The following WDR7 variants were observed in gnomAD, a reference collection of about 807,000 sequenced individuals.
WDR7 encodes the protein WD repeat domain 7.
WDR7 carries 46 observed loss-of-function variants against 169.4 expected under a neutral mutation model. The observed-to-expected ratio is 0.27, with a 90% CI of 0.21 to 0.35. The LOEUF (loss-of-function observed/expected upper bound fraction) is 0.35. Ranked by LOEUF, WDR7 falls within the 10% of genes least tolerant of loss-of-function variation. The pLI, the probability that WDR7 is intolerant of heterozygous loss-of-function variation, is 1.00. For missense variants in WDR7, 1,534 were observed against 1,859.3 expected (o/e 0.83, Z 3.22); for synonymous variants, 612 against 666.8 (o/e 0.92, Z 1.27).
chr18:56,800,504 G>A (rs1310742235), intron 19 of WDR7, among the ~76,000 whole-genome samples: 1 of 151,672 alleles, frequency 6.6e-6, no homozygotes, highest in Non-Finnish European at 1.5e-5. Flanking sequence ...GACATAATTT[G>A]TGTTCCATTG....
intron 26 of WDR7, among the ~76,000 whole-genome samples, chr18:56,977,060 CT>C (rs2047577455): frequency 6.6e-6 from 1 of 152,204 alleles, no homozygotes; most frequent in African/African-American, 2.4e-5. Context: ...TTTAAAGCAG[CT>C]TCTTTGCCTG....
intron 12 of WDR7, among the ~76,000 whole-genome samples, chr18:56,705,668 G>A (rs1225496708): frequency 1.3e-5 from 2 of 152,134 alleles, no homozygotes. Context: ...GATTTAGGCG[G>A]ATCCTGGCAG....
intron 26 of WDR7, among the ~76,000 whole-genome samples, chr18:57,004,020 TATGTGTGTGTGCGCGCACAC>T (rs1317816433): frequency 6.6e-6 from 1 of 151,946 alleles, no homozygotes; most frequent in African/African-American, 2.4e-5. Flanking sequence ...CACATGTGTG[TATGTGTGTGTGCGCGCACAC>T]ACACACCCTA....
chr18:56,776,889 C>A lies in WDR7; in HGVS notation c.2947+9C>A, dbSNP rs1398983481. Reference sequence around the variant, plus strand: ...TTTCTTAGTAAATGAAGGTATCTCTCTCAACTTCTAACAACTTTCTCTCAA... The same window carrying A: ...TTTCTTAGTAAATGAAGGTATCTCTATCAACTTCTAACAACTTTCTCTCAA... On this transcript the variant is annotated intron_variant, in intron 17 of 27. Transcript: ENST00000254442. 6.2e-7 allele frequency: 1 copy of A among 1,606,960 alleles called. No individual in the cohort carries two copies. The highest frequency in any genetic ancestry group is 1.1e-5 in the South Asian group (1 of 90,924).
At chr18:56,716,559 A>G (rs1292113715) in intron 12 of WDR7, among the ~76,000 whole-genome samples, 1 of 152,228 alleles carries the variant, frequency 6.6e-6, no homozygotes, top group African/African-American at 2.4e-5. Context: ...TAAGATAAAA[A>G]TAAAGCTAAA....
At chr18:56,716,030 AGTGTGTGT>A (rs10572330) in intron 12 of WDR7, among the ~76,000 whole-genome samples, 23 of 146,690 alleles carry the variant, frequency 1.6e-4, no homozygotes, top group African/African-American at 4.8e-4. Context: ...CATACGTAGC[AGTGTGTGT>A]GTGTGTGTGT....
chr18:56,686,817 C>G (rs763623245), intron 6 of WDR7, 38 bp from the exon 7 acceptor site: 1 of 1,461,762 alleles, frequency 6.8e-7, no homozygotes, highest in Non-Finnish European at 9.5e-7. Flanking sequence ...AATTGACAAT[C>G]ATGCTATTCC....
intron 26 of WDR7, among the ~76,000 whole-genome samples, chr18:56,992,933 C>T (rs1474689057): frequency 6.6e-6 from 1 of 152,192 alleles, no homozygotes; most frequent in East Asian, 1.9e-4. Flanking sequence ...GTAAACCATA[C>T]TGATGTTTTG....
chr18:56,879,144 GTGGAGT>G (rs1285706820), intron 20 of WDR7, among the ~76,000 whole-genome samples: 2 of 152,154 alleles, frequency 1.3e-5, no homozygotes, highest in East Asian at 3.8e-4. Context: ...ATACGTTGGA[GTGGAGT>G]TGCTGGGCCA....
At chr18:56,700,263 T>TTTTTTTTTTTTTTTTTTTC (rs2025797285) in intron 12 of WDR7, among the ~76,000 whole-genome samples, 1 of 130,800 alleles carries the variant, frequency 7.6e-6, no homozygotes, top group Non-Finnish European at 1.6e-5. Context: ...TTTTTTTTTT[T>TTTTTTTTTTTTTTTTTTTC]TTTTTTTTTT....
intron 21 of WDR7, among the ~76,000 whole-genome samples, chr18:56,892,248 A>T (rs963654569): frequency 1.3e-5 from 2 of 152,130 alleles, no homozygotes; most frequent in African/African-American, 4.8e-5. Context: ...TTAACTGTAG[A>T]GTGCTTGTAT....
At chr18:56,687,898 G>A (rs1763661133) in intron 7 of WDR7, among the ~76,000 whole-genome samples, 1 of 152,166 alleles carries the variant, frequency 6.6e-6, no homozygotes, top group Admixed American at 6.5e-5. Flanking sequence ...AAAGTGCTGG[G>A]ATTATAAGCA....
In WDR7 at chr18:56,686,014, G is replaced by A. The variant is rs755220978; in HGVS notation, c.579G>A (p.Ser193=). Residue 193 remains serine, a synonymous_variant, in exon 6 of 28, where the codon TCG becomes TCA. Transcript: ENST00000254442. ...TGILKVWIVT[S]EISDMQDTEP... The stretch of plus-strand genomic sequence containing the variant: ...TCCTGAAGGTCTGGATTGTTACCTC[G>A]GAAATAAGTGACATGCAGGTGAGAA... The A allele has an allele frequency of 1.6e-5, 26 of 1,594,834 alleles. No homozygotes were observed. Among genetic ancestry groups the A allele is most frequent in the Admixed American group, 3.7e-5 (2 of 54,534 alleles).
chr18:56,794,349 G>A (rs1169904620), intron 19 of WDR7, among the ~76,000 whole-genome samples: 5 of 96,754 alleles, frequency 5.2e-5, no homozygotes, highest in African/African-American at 1.9e-4. Context: ...TCACTCTGTC[G>A]CCCAGGCTGG....
chr18:56,917,207 A>T (rs1352703869), intron 21 of WDR7, among the ~76,000 whole-genome samples: 1 of 152,102 alleles, frequency 6.6e-6, no homozygotes, highest in Non-Finnish European at 1.5e-5. Context: ...AAAAAAAAAA[A>T]ATTCCGCGTT....
chr18:56,948,447 C>T (rs1057085467), intron 25 of WDR7, among the ~76,000 whole-genome samples: 1 of 151,946 alleles, frequency 6.6e-6, no homozygotes, highest in Non-Finnish European at 1.5e-5. Context: ...GGGCTCTGTC[C>T]CAATTTTTAG....
At chr18:56,810,726 A>T (rs2044854313) in intron 19 of WDR7, among the ~76,000 whole-genome samples, 1 of 152,168 alleles carries the variant, frequency 6.6e-6, no homozygotes, top group Admixed American at 6.6e-5. Flanking sequence ...GGTGGCATGG[A>T]TACCTTGGTT....
At chr18:56,823,354 G>C (rs2145247386) in intron 20 of WDR7, among the ~76,000 whole-genome samples, 1 of 152,308 alleles carries the variant, frequency 6.6e-6, no homozygotes, top group East Asian at 1.9e-4. Flanking sequence ...GAGGCCTGCG[G>C]ATCATCTGAG....
chr18:56,800,642 G>A (rs965657798), intron 19 of WDR7, among the ~76,000 whole-genome samples: 4 of 152,160 alleles, frequency 2.6e-5, no homozygotes, highest in African/African-American at 9.7e-5. Flanking sequence ...ACCCTCAGCA[G>A]GCTCCTAATA....
Sources: gnomAD v4.1 joint callset for allele counts (sites outside exome capture counted in the v4.1 genomes callset) on GRCh38, gnomAD v4.1.1 for gene constraint, MANE v1.5 for transcripts, NCBI Gene and HGNC (gene_info 2026-07-23, HGNC 2026-07-21) for gene names.